The following JPH1 variants were observed in gnomAD, a reference collection of about 807,000 sequenced individuals.
JPH1 encodes the protein junctophilin-1.
In JPH1, 12 loss-of-function variants were observed where a neutral mutation model predicts 53.6. The observed-to-expected ratio is 0.22, with a 90% CI of 0.14 to 0.36. JPH1 has a LOEUF of 0.36. Among genes scored for constraint, JPH1 ranks in the 10% least tolerant of loss-of-function variants. The probability of loss-of-function intolerance (pLI) is 1.00; values close to 1 mark genes in which losing one functional copy is unlikely to be tolerated. For synonymous variants in JPH1, 375 were observed against 363.8 expected, an observed-to-expected ratio of 1.03 and a Z score of -0.35; for missense variants, 808 against 905.5, an observed-to-expected ratio of 0.89 and a Z score of 1.38.
chr8:74,244,744 G>C lies in JPH1; in HGVS notation c.1690C>G (p.Pro564Ala), dbSNP rs760910493. The change falls in exon 4 of 6, where the codon CCA (proline) becomes GCA (alanine). Residue 564 changes from proline (P) to alanine (A), a missense_variant. By Grantham distance (27) the Pro-to-Ala change is conservative (BLOSUM62 -1). Around this residue, in one of 2 missense-constraint regions of JPH1, gnomAD observed 756 missense variants for 811.9 expected, o/e 0.93. Coordinates refer to ENST00000342232, the MANE Select transcript of JPH1 (RefSeq NM_020647.4). ...YVKLNAPQHP[P>A]VDVEDGDGSS... Reference sequence around the variant, plus strand: ...CCATCGCCGTCCTCCACGTCTACTGGAGGGTGCTGGGGGGCGTTCAGCTTC... The same window carrying C: ...CCATCGCCGTCCTCCACGTCTACTGCAGGGTGCTGGGGGGCGTTCAGCTTC... 2.5e-6 allele frequency: 4 copies of C among 1,614,040 alleles called. No individual in the cohort carries two copies. Among genetic ancestry groups the C allele is most frequent in the East Asian group, 2.2e-5 (1 of 44,882 alleles).
chr8:74,246,138 A>T (rs960072058), intron 3 of JPH1, among the ~76,000 whole-genome samples: 1 of 152,218 alleles, frequency 6.6e-6, no homozygotes, highest in South Asian at 2.1e-4. Flanking sequence ...CCCATCTGCC[A>T]CTTTTCGCCT....
rs568219520 is a variant in JPH1, at chr8:74,310,332, G to A, written c.1139+4529C>T. On this transcript the variant is annotated intron_variant, in intron 2 of 5. Coordinates refer to ENST00000342232, the MANE Select transcript of JPH1 (RefSeq NM_020647.4). ...TTGAGACCCTTTCTCAATCCCAGAT[G>A]GTGATTTGTACCCTCAGGACCAAGA... Among the ~76,000 whole-genome samples the A allele has an allele frequency of 5.0e-4, 75 of 151,412 alleles. 1 individual carries two copies. The highest frequency in any genetic ancestry group is 7.0e-3 in the Middle Eastern group (2 of 286).
At chr8:74,257,281 G>A (rs1276386587) in intron 3 of JPH1, among the ~76,000 whole-genome samples, 1 of 152,132 alleles carries the variant, frequency 6.6e-6, no homozygotes, top group East Asian at 1.9e-4. Flanking sequence ...AGAAAGGGTG[G>A]CATTACATTT....
chr8:74,254,884 G>A (rs1806171837), intron 3 of JPH1, among the ~76,000 whole-genome samples: 1 of 152,118 alleles, frequency 6.6e-6, no homozygotes, highest in South Asian at 2.1e-4. Context: ...ACTGCTCAAT[G>A]AAATAAAAGA....
At chr8:74,242,916 G>A (rs1244753163) in intron 4 of JPH1, among the ~76,000 whole-genome samples, 2 of 152,190 alleles carry the variant, frequency 1.3e-5, no homozygotes, top group Admixed American at 1.3e-4. Flanking sequence ...CCAAACATAC[G>A]TATACTACTG....
intron 3 of JPH1, among the ~76,000 whole-genome samples, chr8:74,259,137 T>A (rs1331026388): frequency 2.0e-5 from 3 of 152,200 alleles, no homozygotes; most frequent in African/African-American, 7.2e-5. Context: ...CAACTTGGGT[T>A]CCCAGCTCAA....
intron 2 of JPH1, among the ~76,000 whole-genome samples, chr8:74,287,273 A>C (rs1453116133): frequency 6.6e-6 from 1 of 152,116 alleles, no homozygotes; most frequent in Non-Finnish European, 1.5e-5. Flanking sequence ...CTCTACTAAA[A>C]ATACAAAAAT....
At chr8:74,304,025 A>C (rs1227601171) in intron 2 of JPH1, among the ~76,000 whole-genome samples, 1 of 151,938 alleles carries the variant, frequency 6.6e-6, no homozygotes, top group African/African-American at 2.4e-5. Context: ...CTTTGCACCC[A>C]CCTCTATCTT....
chr8:74,269,171 T>C (rs1806625177), intron 2 of JPH1, among the ~76,000 whole-genome samples: 1 of 152,232 alleles, frequency 6.6e-6, no homozygotes, highest in Admixed American at 6.5e-5. Context: ...TATGCCCAAC[T>C]AGCGAAGAAC....
At chr8:74,281,291 C>T (rs936366168) in intron 2 of JPH1, among the ~76,000 whole-genome samples, 5 of 152,264 alleles carry the variant, frequency 3.3e-5, no homozygotes, top group African/African-American at 1.2e-4. Context: ...ATTGCTAAAC[C>T]AGCTCTGCTT....
chr8:74,284,726 T>G (rs566349264), intron 2 of JPH1, among the ~76,000 whole-genome samples: 2 of 151,960 alleles, frequency 1.3e-5, no homozygotes, highest in African/African-American at 4.8e-5. Context: ...CTAAACAAAT[T>G]ATAATATTGT....
intron 2 of JPH1, among the ~76,000 whole-genome samples, chr8:74,271,150 A>G: frequency 6.6e-6 from 1 of 152,154 alleles, no homozygotes; most frequent in South Asian, 2.1e-4. Context: ...ACGAGGCAGG[A>G]ATTTCTAGAG....
intron 2 of JPH1, among the ~76,000 whole-genome samples, chr8:74,278,280 G>T (rs943577471): frequency 6.6e-6 from 1 of 152,188 alleles, no homozygotes; most frequent in African/African-American, 2.4e-5. Flanking sequence ...TGTAAGACAT[G>T]ACTTGCTTTT....
intron 2 of JPH1, among the ~76,000 whole-genome samples, chr8:74,271,269 C>G (rs1012578643): frequency 2.6e-5 from 4 of 152,046 alleles, no homozygotes; most frequent in Admixed American, 2.0e-4. Context: ...CCACCCTCCC[C>G]CTTGTTGCAA....
At chr8:74,316,352 G>A (rs575186798) in intron 1 of JPH1, among the ~76,000 whole-genome samples, 6 of 152,262 alleles carry the variant, frequency 3.9e-5, no homozygotes, top group Admixed American at 1.3e-4. Flanking sequence ...GCTTTGTGCC[G>A]TATCATTTGC....
chr8:74,263,899 G>A (rs1806463356), intron 2 of JPH1, among the ~76,000 whole-genome samples: 1 of 152,196 alleles, frequency 6.6e-6, no homozygotes, highest in African/African-American at 2.4e-5. Context: ...ATCCTGTGTA[G>A]ACAGTTGCAG....
intron 3 of JPH1, among the ~76,000 whole-genome samples, chr8:74,253,168 A>G (rs1175768417): frequency 6.6e-6 from 1 of 152,156 alleles, no homozygotes; most frequent in Non-Finnish European, 1.5e-5. Flanking sequence ...CAAATGTAAA[A>G]GAACAGAAAT....
chr8:74,317,037 C>G (rs1586780587), intron 1 of JPH1, among the ~76,000 whole-genome samples: 1 of 152,074 alleles, frequency 6.6e-6, no homozygotes, highest in Non-Finnish European at 1.5e-5. Context: ...ATAGATCTAC[C>G]CTGCAGTCAC....
rs1806951756 is a variant in JPH1, at chr8:74,234,804, G to A, written c.*2247C>T. The A allele has an allele frequency of 6.6e-6, 1 of 152,478 alleles. No individual in the cohort carries two copies. Among genetic ancestry groups the A allele is most frequent in the Non-Finnish European group, 1.5e-5 (1 of 68,010 alleles). 9.4% of individuals were successfully genotyped at this position (152,478 alleles called of 1,614,324 possible). On this transcript the variant is annotated 3_prime_UTR_variant, in exon 6 of 6. Transcript: ENST00000342232. ...TATAAATAAAGGAACTCACAGGTAGGGAGTTCTTTTTCACAGCAAGAAACT... is the reference window on the plus strand; with the variant it reads ...TATAAATAAAGGAACTCACAGGTAGAGAGTTCTTTTTCACAGCAAGAAACT...
Sources: allele counts gnomAD v4.1 joint callset (sites outside exome capture counted in the v4.1 genomes callset), GRCh38; gene constraint gnomAD v4.1.1; regional missense constraint gnomAD v4.1.1; transcripts MANE v1.5; gene names NCBI Gene and HGNC (gene_info 2026-07-23, HGNC 2026-07-21).